Variants in OR6N1 observed in about 807,000 individuals in gnomAD.
OR6N1 encodes olfactory receptor 6N1.
For synonymous variants in OR6N1, 170 were observed against 150.7 expected (o/e 1.13, Z -0.94); for missense variants, 394 against 371.7 (o/e 1.06, Z -0.49).
the OR6N1 span, among the ~76,000 whole-genome samples, chr1:158,790,571 AT>A: frequency 2.6e-5 from 4 of 151,406 alleles, no homozygotes; most frequent in Non-Finnish European, 4.4e-5. Flanking sequence ...CGCCTGGCTA[AT>A]TTTTTGTATT....
the OR6N1 span, among the ~76,000 whole-genome samples, chr1:158,810,921 G>C: frequency 6.6e-6 from 1 of 151,978 alleles, no homozygotes; most frequent in Non-Finnish European, 1.5e-5. Flanking sequence ...ACATGTACAG[G>C]TTTGTTACAT....
chr1:158,797,116 G>A, the OR6N1 span, among the ~76,000 whole-genome samples: 1 of 152,324 alleles, frequency 6.6e-6, no homozygotes, highest in South Asian at 2.1e-4. Flanking sequence ...AACTCCTTCA[G>A]CCAAGATACA....
the OR6N1 span, among the ~76,000 whole-genome samples, chr1:158,787,635 T>TCACACACA: frequency 6.0e-5 from 8 of 134,206 alleles, no homozygotes; most frequent in South Asian, 2.5e-4. Context: ...TCTCTCTCTC[T>TCACACACA]CACACACACA....
chr1:158,799,458 T>A, the OR6N1 span, among the ~76,000 whole-genome samples: 1 of 152,184 alleles, frequency 6.6e-6, no homozygotes, highest in Non-Finnish European at 1.5e-5. Flanking sequence ...GGATCATATA[T>A]GTTCTAAAAA....
the OR6N1 span, chr1:158,808,716 A>C: frequency 6.5e-6 from 1 of 152,730 alleles, no homozygotes; most frequent in African/African-American, 2.4e-5. Flanking sequence ...ACAAAGTTGC[A>C]ACCAGTGGCC....
At chr1:158,837,207 G>T in the OR6N1 span, among the ~76,000 whole-genome samples, 1 of 151,906 alleles carries the variant, frequency 6.6e-6, no homozygotes, top group African/African-American at 2.4e-5. Context: ...ATATCTGTTA[G>T]ATATAATTGG....
chr1:158,791,790 T>C, the OR6N1 span, among the ~76,000 whole-genome samples: 1 of 152,190 alleles, frequency 6.6e-6, no homozygotes, highest in African/African-American at 2.4e-5. Flanking sequence ...TAAAAGTTTA[T>C]TGAGACTTCT....
At chr1:158,813,318 G>A in the OR6N1 span, among the ~76,000 whole-genome samples, 5 of 152,228 alleles carry the variant, frequency 3.3e-5, no homozygotes, top group South Asian at 1.0e-3. Context: ...ACACAGAGTT[G>A]TTCACTGTAG....
the OR6N1 span, among the ~76,000 whole-genome samples, chr1:158,835,027 CAA>C: frequency 0.011 from 1,739 of 152,194 alleles, 32 homozygotes; most frequent in African/African-American, 0.039. Context: ...GTCTTTATAA[CAA>C]GTTTTGAAAG....
At chr1:158,768,599 G>T (rs78054662) in intron 1 of OR6N1, among the ~76,000 whole-genome samples, 2 of 152,180 alleles carry the variant, frequency 1.3e-5, no homozygotes, top group African/African-American at 4.8e-5. Flanking sequence ...GAGTGATCCT[G>T]TTAAATTCTA....
the OR6N1 span, among the ~76,000 whole-genome samples, chr1:158,830,554 A>G: frequency 3.3e-5 from 5 of 152,158 alleles, no homozygotes; most frequent in Admixed American, 1.3e-4. Context: ...TCATTTGACA[A>G]TTCAGAGTTA....
At chr1:158,790,400 A>ATTT in the OR6N1 span, among the ~76,000 whole-genome samples, 9,694 of 129,380 alleles carry the variant, frequency 0.075, 472 homozygotes, top group East Asian at 0.12. Flanking sequence ...TTGATAGGGA[A>ATTT]TTTTTTTTTT....
At chr1:158,812,207 G>C in the OR6N1 span, among the ~76,000 whole-genome samples, 65 of 152,300 alleles carry the variant, frequency 4.3e-4, no homozygotes, top group African/African-American at 1.4e-3. Context: ...TGATGGCTGC[G>C]TGTTCGCCTT....
the OR6N1 span, among the ~76,000 whole-genome samples, chr1:158,823,591 GTCTC>G: frequency 6.6e-6 from 1 of 151,124 alleles, no homozygotes; most frequent in Non-Finnish European, 1.5e-5. Flanking sequence ...TATTTGGATC[GTCTC>G]TCTCTTTTTT....
chr1:158,789,125 A>G, the OR6N1 span, among the ~76,000 whole-genome samples: 7 of 152,076 alleles, frequency 4.6e-5, no homozygotes. Context: ...GGCTTCTTTC[A>G]CTTAACACAA....
the OR6N1 span, among the ~76,000 whole-genome samples, chr1:158,816,075 G>A: frequency 6.7e-6 from 1 of 149,956 alleles, no homozygotes; most frequent in Non-Finnish European, 1.5e-5. Context: ...GGAGAATGGT[G>A]TGAACCCAGG....
chr1:158,779,568 A>G, the OR6N1 span, among the ~76,000 whole-genome samples: 2 of 152,218 alleles, frequency 1.3e-5, no homozygotes, highest in Non-Finnish European at 2.9e-5. Flanking sequence ...GATATTTTAG[A>G]ATACTAAATT....
the OR6N1 span, among the ~76,000 whole-genome samples, chr1:158,824,668 C>A: frequency 6.6e-6 from 1 of 152,100 alleles, no homozygotes; most frequent in African/African-American, 2.4e-5. Context: ...TCCCACATAC[C>A]TACAACCATC....
the OR6N1 span, among the ~76,000 whole-genome samples, chr1:158,836,344 C>G: frequency 1.3e-5 from 2 of 151,908 alleles, no homozygotes; most frequent in Non-Finnish European, 2.9e-5. Context: ...ACCAGTAAAA[C>G]CACTTAGTCT....
Sources: gnomAD v4.1 joint callset for allele counts (sites outside exome capture counted in the v4.1 genomes callset) on GRCh38, gnomAD v4.1.1 for gene constraint, MANE v1.5 for transcripts, NCBI Gene and HGNC (gene_info 2026-07-23, HGNC 2026-07-21) for gene names.